Variants in AGBL4 observed in about 807,000 individuals in gnomAD.
AGBL4 encodes cytosolic carboxypeptidase 6.
AGBL4 carries 58 observed loss-of-function variants against 66.4 expected under a neutral mutation model. The ratio of observed to expected loss-of-function variants is 0.87; its 90% CI spans 0.71 to 1.09. The LOEUF (loss-of-function observed/expected upper bound fraction) is 1.09, where lower values mean the gene tolerates loss of function less well. Among genes scored for constraint, AGBL4 ranks in the 50% least tolerant of loss-of-function variants. AGBL4 has a pLI of 0.00. For missense variants in AGBL4, 579 were observed against 631.0 expected, an observed-to-expected ratio of 0.92 and a Z score of 0.88; for synonymous variants, 234 against 222.9, an observed-to-expected ratio of 1.05 and a Z score of -0.44.
At chr1:48,984,592 T>C (rs1009840124) in intron 5 of AGBL4, among the ~76,000 whole-genome samples, 6 of 150,036 alleles carry the variant, frequency 4.0e-5, no homozygotes, top group Non-Finnish European at 8.9e-5. Context: ...TTTTCTTTTT[T>C]TGAAGTAAAA....
At chr1:49,919,361 T>C (rs1651949401) in intron 1 of AGBL4, among the ~76,000 whole-genome samples, 1 of 152,182 alleles carries the variant, frequency 6.6e-6, no homozygotes, top group African/African-American at 2.4e-5. Context: ...AAAATCTCCT[T>C]AAGCTGATAA....
chr1:49,409,084 C>G (rs183209090), intron 3 of AGBL4, among the ~76,000 whole-genome samples: 2 of 151,048 alleles, frequency 1.3e-5, no homozygotes, highest in Admixed American at 1.3e-4. Flanking sequence ...ATTCTAAATC[C>G]CTTCCTTTCT....
At chr1:49,003,121 G>A (rs192527088) in intron 5 of AGBL4, among the ~76,000 whole-genome samples, 50 of 152,300 alleles carry the variant, frequency 3.3e-4, no homozygotes, top group Admixed American at 3.1e-3. Context: ...GTTGAGGCCA[G>A]GCACGTTGGT....
At chr1:49,991,572 C>A (rs1659943842) in intron 1 of AGBL4, among the ~76,000 whole-genome samples, 1 of 152,110 alleles carries the variant, frequency 6.6e-6, no homozygotes. Context: ...TCAGTTTTAT[C>A]TCCTCTCCTG....
At chr1:49,736,562 C>A (rs1649907800) in intron 2 of AGBL4, among the ~76,000 whole-genome samples, 2 of 152,054 alleles carry the variant, frequency 1.3e-5, no homozygotes, top group Non-Finnish European at 2.9e-5. Flanking sequence ...ACACAGCATA[C>A]TAAACCTTTG....
intron 5 of AGBL4, among the ~76,000 whole-genome samples, chr1:48,974,499 C>T (rs1422988136): frequency 1.3e-5 from 2 of 152,108 alleles, no homozygotes; most frequent in Non-Finnish European, 2.9e-5. Flanking sequence ...GAGATATGAA[C>T]ACAGTGATGA....
intron 4 of AGBL4, among the ~76,000 whole-genome samples, chr1:49,115,915 A>T (rs1199943219): frequency 1.3e-5 from 2 of 152,174 alleles, no homozygotes; most frequent in Non-Finnish European, 2.9e-5. Flanking sequence ...GACAGTAGAC[A>T]ATTTGAAGAA....
rs959684195 is a variant in AGBL4, at chr1:50,019,068, A to G, written c.34+4695T>C. Among the ~76,000 whole-genome samples the G allele has an allele frequency of 6.6e-5, 10 of 152,224 alleles. No individual in the cohort carries two copies. In the East Asian group the frequency reaches 1.9e-3, roughly 29 times the overall value. On this transcript the variant is annotated intron_variant, in intron 1 of 13. Transcript: ENST00000371839. ...GAATGTGATATTGATGTGTTTGATT[A>G]CATCTTACTATCTCACACCCCATTG...
intron 3 of AGBL4, among the ~76,000 whole-genome samples, chr1:49,617,962 G>A (rs866294647): frequency 1.2e-4 from 18 of 152,026 alleles, no homozygotes; most frequent in African/African-American, 3.4e-4. Context: ...CCATCAACCC[G>A]TCTTCTACAT....
At chr1:48,558,854 T>C (rs1224530621) in intron 11 of AGBL4, among the ~76,000 whole-genome samples, 1 of 152,224 alleles carries the variant, frequency 6.6e-6, no homozygotes, top group East Asian at 1.9e-4. Flanking sequence ...TTGGGTTTTC[T>C]GTCCCTTGCA....
intron 3 of AGBL4, among the ~76,000 whole-genome samples, chr1:49,551,504 C>T (rs1652952327): frequency 1.3e-5 from 2 of 152,176 alleles, no homozygotes; most frequent in Admixed American, 6.5e-5. Flanking sequence ...TCATGTTGTA[C>T]TCTCCCCCTT....
intron 1 of AGBL4, among the ~76,000 whole-genome samples, chr1:50,007,027 C>A (rs1006488042): frequency 6.6e-6 from 1 of 151,908 alleles, no homozygotes; most frequent in Non-Finnish European, 1.5e-5. Context: ...CTTTTCAAGA[C>A]AAAGACAGTA....
intron 3 of AGBL4, among the ~76,000 whole-genome samples, chr1:49,380,197 T>C (rs1644568895): frequency 6.6e-6 from 1 of 152,146 alleles, no homozygotes; most frequent in African/African-American, 2.4e-5. Flanking sequence ...AGCATTCTTA[T>C]ACACCAATAA....
intron 5 of AGBL4, among the ~76,000 whole-genome samples, chr1:48,879,891 T>C (rs1293766341): frequency 6.6e-6 from 1 of 152,214 alleles, no homozygotes; most frequent in Admixed American, 6.5e-5. Context: ...ACTAAATAAT[T>C]CTACCAATGA....
chr1:49,052,388 G>A (rs1644234723), intron 4 of AGBL4, among the ~76,000 whole-genome samples: 1 of 152,150 alleles, frequency 6.6e-6, no homozygotes, highest in Non-Finnish European at 1.5e-5. Flanking sequence ...CTGACAGGCA[G>A]CAAGAAGAGA....
intron 8 of AGBL4, among the ~76,000 whole-genome samples, chr1:48,635,765 C>T (rs2148416687): frequency 6.6e-6 from 1 of 152,288 alleles, no homozygotes; most frequent in South Asian, 2.1e-4. Flanking sequence ...CCTCTCTGGT[C>T]CAAGATTTCC....
At chr1:49,381,273 A>G (rs565812285) in intron 3 of AGBL4, among the ~76,000 whole-genome samples, 61 of 151,466 alleles carry the variant, frequency 4.0e-4, no homozygotes, top group African/African-American at 1.4e-3. Context: ...CATCAGAGAA[A>G]TGCAAATCAA....
chr1:48,856,507 C>T (rs1341670051), intron 6 of AGBL4, among the ~76,000 whole-genome samples: 3 of 152,092 alleles, frequency 2.0e-5, no homozygotes, highest in Admixed American at 6.6e-5. Flanking sequence ...GACCACTATA[C>T]TGCTAGACTG....
intron 3 of AGBL4, among the ~76,000 whole-genome samples, chr1:49,559,898 C>T (rs1025830638): frequency 2.0e-5 from 3 of 152,092 alleles, no homozygotes; most frequent in African/African-American, 7.2e-5. Context: ...CTAATAAACT[C>T]CCTTTCATAT....
Sources: gnomAD v4.1 joint callset for allele counts (sites outside exome capture counted in the v4.1 genomes callset) on GRCh38, gnomAD v4.1.1 for gene constraint, MANE v1.5 for transcripts, NCBI Gene and HGNC (gene_info 2026-07-23, HGNC 2026-07-21) for gene names.